Variants in THRB observed in about 807,000 individuals in gnomAD.
THRB encodes thyroid hormone receptor beta.
THRB carries 12 observed loss-of-function variants against 47.8 expected under a neutral mutation model. The observed-to-expected ratio is 0.25, with a 90% CI of 0.16 to 0.41. The LOEUF is 0.41. Among genes scored for constraint, THRB ranks in the 10% least tolerant of loss-of-function variants. The pLI, the probability that THRB is intolerant of heterozygous loss-of-function variation, is 1.00. For synonymous variants in THRB, 218 were observed against 212.2 expected, an observed-to-expected ratio of 1.03 and a Z score of -0.24; for missense variants, 348 against 589.2, an observed-to-expected ratio of 0.59 and a Z score of 4.24.
At chr3:24,492,167 C>A (rs796442222) in intron 1 of THRB, among the ~76,000 whole-genome samples, 6 of 152,268 alleles carry the variant, frequency 3.9e-5, no homozygotes, top group Admixed American at 1.3e-4. Flanking sequence ...TTAATTTATT[C>A]ACCAAAGAGT....
chr3:24,291,433 G>A (rs2055907497), intron 3 of THRB, among the ~76,000 whole-genome samples: 4 of 152,128 alleles, frequency 2.6e-5, no homozygotes, highest in South Asian at 2.1e-4. Flanking sequence ...CATCTGTGGA[G>A]GACTGGTTCT....
chr3:24,419,730 A>G (rs2069070514), intron 1 of THRB, among the ~76,000 whole-genome samples: 1 of 151,956 alleles, frequency 6.6e-6, no homozygotes, highest in Non-Finnish European at 1.5e-5. Flanking sequence ...TATATATCAC[A>G]TCTTCTATCT....
intron 1 of THRB, among the ~76,000 whole-genome samples, chr3:24,369,780 T>C (rs2064768982): frequency 6.6e-6 from 1 of 152,226 alleles, no homozygotes; most frequent in African/African-American, 2.4e-5. Flanking sequence ...ATGTATTTCT[T>C]TGACTGCACA....
At chr3:24,232,175 T>C (rs1291909516) in intron 3 of THRB, among the ~76,000 whole-genome samples, 1 of 152,210 alleles carries the variant, frequency 6.6e-6, no homozygotes, top group Non-Finnish European at 1.5e-5. Flanking sequence ...CCATTCCATT[T>C]AGTCTTCTAG....
chr3:24,432,553 A>C (rs1362410072), intron 1 of THRB, among the ~76,000 whole-genome samples: 1 of 152,150 alleles, frequency 6.6e-6, no homozygotes, highest in African/African-American at 2.4e-5. Context: ...GAAAAAATAA[A>C]GAGCTTCCAG....
chr3:24,199,238 G>C (rs1486511261), intron 4 of THRB, among the ~76,000 whole-genome samples: 1 of 152,166 alleles, frequency 6.6e-6, no homozygotes, highest in Non-Finnish European at 1.5e-5. Flanking sequence ...GGTCTGCTGA[G>C]GCCCATGTTC....
At chr3:24,210,061 T>C (rs1332222976) in intron 4 of THRB, among the ~76,000 whole-genome samples, 1 of 152,204 alleles carries the variant, frequency 6.6e-6, no homozygotes, top group Admixed American at 6.5e-5. Context: ...AAATGTGGCA[T>C]GTTTCTCTTG....
At chr3:24,443,632 A>G (rs1257861463) in intron 1 of THRB, among the ~76,000 whole-genome samples, 2 of 152,188 alleles carry the variant, frequency 1.3e-5, no homozygotes, top group African/African-American at 4.8e-5. Context: ...TTGGTCCAAG[A>G]ATAAAAAGAT....
chr3:24,143,591 G>A lies in THRB; in HGVS notation c.648C>T (p.Asp216=), dbSNP rs143993214. Residue 216 remains aspartate (D), a synonymous_variant, in exon 8 of 11, where the codon GAC becomes GAT. Transcript: ENST00000646209. ...KSIGHKPEPT[D]EEWELIKTVT... is the part of the protein sequence containing the mutation. ...CAGTTTTGATGAGCTCCCATTCCTC[G>A]TCTGTGGGCTCTGGCTTGTGCCCGA... The A allele has an allele frequency of 9.2e-5, 148 of 1,614,026 alleles. 1 individual carries two copies. The highest frequency in any genetic ancestry group is 1.1e-4 in the Non-Finnish European group (133 of 1,180,024).
At chr3:24,445,602 T>A (rs541770449) in intron 1 of THRB, among the ~76,000 whole-genome samples, 4 of 152,290 alleles carry the variant, frequency 2.6e-5, no homozygotes, top group Admixed American at 6.5e-5. Flanking sequence ...TCAAAATTTT[T>A]AAAATTTTTT....
At chr3:24,218,650 G>A (rs2046858975) in intron 4 of THRB, among the ~76,000 whole-genome samples, 1 of 151,958 alleles carries the variant, frequency 6.6e-6, no homozygotes. Flanking sequence ...CATAATGGCT[G>A]TTGTATGTTG....
chr3:24,295,967 A>T (rs1425497606), intron 3 of THRB, among the ~76,000 whole-genome samples: 1 of 152,178 alleles, frequency 6.6e-6, no homozygotes, highest in Non-Finnish European at 1.5e-5. Context: ...ACATTTAACC[A>T]CCTTTGGCTA....
At chr3:24,358,757 C>T (rs1282051699) in intron 1 of THRB, among the ~76,000 whole-genome samples, 1 of 152,124 alleles carries the variant, frequency 6.6e-6, no homozygotes, top group Non-Finnish European at 1.5e-5. Context: ...TCAATTCTCG[C>T]ATGGTTATTT....
intron 1 of THRB, among the ~76,000 whole-genome samples, chr3:24,411,854 C>A (rs554913253): frequency 3.3e-5 from 5 of 151,808 alleles, no homozygotes; most frequent in East Asian, 3.9e-4. Context: ...GGTTGAGAAA[C>A]CCTGATCTAA....
intron 4 of THRB, among the ~76,000 whole-genome samples, chr3:24,204,804 T>G (rs542249912): frequency 6.6e-6 from 1 of 152,330 alleles, no homozygotes; most frequent in South Asian, 2.1e-4. Context: ...AGAGAAGTCC[T>G]TAAATGACCC....
chr3:24,296,627 A>C (rs952018852), intron 3 of THRB, among the ~76,000 whole-genome samples: 2 of 152,216 alleles, frequency 1.3e-5, no homozygotes, highest in African/African-American at 2.4e-5. Context: ...TACAGGAACA[A>C]AAGTGCTGTA....
intron 2 of THRB, among the ~76,000 whole-genome samples, chr3:24,310,394 A>G (rs1049778600): frequency 1.2e-4 from 19 of 152,308 alleles, no homozygotes; most frequent in African/African-American, 4.3e-4. Context: ...TTAATTCAAA[A>G]TCTTTCTTTA....
chr3:24,475,376 C>T (rs1358234336), intron 1 of THRB, among the ~76,000 whole-genome samples: 1 of 151,970 alleles, frequency 6.6e-6, no homozygotes, highest in Non-Finnish European at 1.5e-5. Context: ...ACAAGTGCTA[C>T]CATTTGCAAT....
intron 8 of THRB, 131 bp from the exon 9 acceptor site, chr3:24,133,593 TAACA>T (rs2034192744): frequency 2.3e-6 from 2 of 854,964 alleles, no homozygotes; most frequent in Non-Finnish European, 3.9e-6. Flanking sequence ...CATCATTTGT[TAACA>T]AACTGTACAG....
Sources: allele counts gnomAD v4.1 joint callset (sites outside exome capture counted in the v4.1 genomes callset), GRCh38; gene constraint gnomAD v4.1.1; transcripts MANE v1.5; gene names NCBI Gene and HGNC (gene_info 2026-07-23, HGNC 2026-07-21).